Variants in DSCAM observed in about 807,000 individuals in gnomAD.
DSCAM encodes the protein cell adhesion molecule DSCAM.
DSCAM carries 47 observed loss-of-function variants against 217.7 expected under a neutral mutation model. That is an observed-to-expected ratio of 0.22 (90% CI 0.17 to 0.28). The LOEUF is 0.28. Ranked by LOEUF, DSCAM falls within the 10% of genes least tolerant of loss-of-function variation. The pLI, the probability that DSCAM is intolerant of heterozygous loss-of-function variation, is 1.00. For missense variants in DSCAM, 2,080 were observed against 2,618.3 expected (o/e 0.79, Z 4.49); for synonymous variants, 1,056 against 1,015.3 (o/e 1.04, Z -0.76).
chr21:40,619,820 AGAG>A (rs2089454884), intron 3 of DSCAM, among the ~76,000 whole-genome samples: 1 of 150,762 alleles, frequency 6.6e-6, no homozygotes, highest in Non-Finnish European at 1.5e-5. Context: ...ACACTTGAAC[AGAG>A]AAGATTTTAA....
chr21:40,269,815 G>T (rs368971846), intron 11 of DSCAM, among the ~76,000 whole-genome samples: 3 of 152,170 alleles, frequency 2.0e-5, no homozygotes, highest in Non-Finnish European at 4.4e-5. Context: ...TAGGGATCCG[G>T]CGGCCTACTT....
At chr21:40,089,029 T>C (rs1039131629) in intron 21 of DSCAM, among the ~76,000 whole-genome samples, 15 of 152,230 alleles carry the variant, frequency 9.9e-5, no homozygotes, top group African/African-American at 3.4e-4. Flanking sequence ...CTCTATTCCA[T>C]TGTTGTTCTT....
chr21:40,196,167 G>A (rs1299099327), intron 11 of DSCAM, among the ~76,000 whole-genome samples: 1 of 152,130 alleles, frequency 6.6e-6, no homozygotes, highest in Non-Finnish European at 1.5e-5. Flanking sequence ...GAGGTGATGT[G>A]GGGTTAGGTG....
chr21:40,685,948 C>T (rs1036553975), intron 3 of DSCAM, among the ~76,000 whole-genome samples: 4 of 150,560 alleles, frequency 2.7e-5, no homozygotes, highest in Admixed American at 2.0e-4. Context: ...AAAACAAAAA[C>T]AAAAACAAAA....
intron 3 of DSCAM, among the ~76,000 whole-genome samples, chr21:40,689,518 G>T (rs564153845): frequency 1.5e-3 from 226 of 152,278 alleles, no homozygotes; most frequent in Middle Eastern, 3.4e-3. Flanking sequence ...TCAACTCTCT[G>T]GCACTCCCAT....
chr21:40,021,241 C>G (rs1361996904), intron 32 of DSCAM, among the ~76,000 whole-genome samples: 1 of 148,918 alleles, frequency 6.7e-6, no homozygotes, highest in Non-Finnish European at 1.5e-5. Context: ...AGAAACATAG[C>G]TACGCAGGTC....
chr21:40,163,945 T>C (rs8130691), intron 16 of DSCAM, among the ~76,000 whole-genome samples: 1,642 of 152,280 alleles, frequency 0.011, 26 homozygotes, highest in African/African-American at 0.038. Context: ...AATTGTGATA[T>C]GGAACACTTG....
Position 40,158,544 on chromosome 21 carries a change from A to G in DSCAM, c.3018+8674T>C, listed in dbSNP as rs927401879. On this transcript the variant is annotated intron_variant, in intron 16 of 32. Coordinates refer to ENST00000400454, the MANE Select transcript of DSCAM (RefSeq NM_001389.5). ...ACACTCTGGCTTATGTTGAGGGGAA[A>G]TACTCCACAAGTCCAGATGCAACAC... is the stretch of plus-strand genomic sequence containing the variant. Among the ~76,000 whole-genome samples the G allele has an allele frequency of 4.6e-5, 7 of 152,224 alleles. 1 individual carries two copies. The highest frequency in any genetic ancestry group is 4.6e-4 in the Admixed American group (7 of 15,276).
chr21:40,013,830 G>A (rs893213973), intron 32 of DSCAM, among the ~76,000 whole-genome samples: 4 of 152,202 alleles, frequency 2.6e-5, no homozygotes, highest in South Asian at 2.1e-4. Context: ...GCTGGCTCTC[G>A]TCCTGGCAAT....
chr21:40,620,234 GAA>G lies in DSCAM; in HGVS notation c.508+72574_508+72575del, dbSNP rs1384383115. On this transcript the variant is annotated intron_variant, in intron 3 of 32. Transcript: ENST00000400454. ...AAGAGAGAGAAAAAAGAAAAAGAAAGAAAGAGAGAGAAAGAGAGAGAAAAAAG... is the reference window on the plus strand; with the variant it reads ...AAGAGAGAGAAAAAAGAAAAAGAAAGAGAGAGAGAAAGAGAGAGAAAAAAG... Among the ~76,000 whole-genome samples the G allele has an allele frequency of 2.2e-3, 149 of 66,968 alleles. 1 individual carries two copies. The highest frequency in any genetic ancestry group is 0.018 in the East Asian group (38 of 2,056). 43.9% of individuals were successfully genotyped at this position (66,968 alleles called of 152,430 possible).
chr21:40,157,254 C>A (rs979760380), intron 16 of DSCAM, among the ~76,000 whole-genome samples: 1 of 152,124 alleles, frequency 6.6e-6, no homozygotes, highest in South Asian at 2.1e-4. Flanking sequence ...CAGTTAAGAC[C>A]GAGACTGCAG....
At chr21:40,539,459 G>A (rs2076526705) in intron 3 of DSCAM, among the ~76,000 whole-genome samples, 3 of 151,570 alleles carry the variant, frequency 2.0e-5, no homozygotes, top group Admixed American at 1.3e-4. Flanking sequence ...TTGTGTCACT[G>A]CACTCCAGCC....
At chr21:40,683,075 C>G (rs1260305994) in intron 3 of DSCAM, among the ~76,000 whole-genome samples, 1 of 152,192 alleles carries the variant, frequency 6.6e-6, no homozygotes, top group Non-Finnish European at 1.5e-5. Context: ...CCCATCAGAA[C>G]CTGACCATGC....
At chr21:40,254,773 G>A (rs2073349362) in intron 11 of DSCAM, among the ~76,000 whole-genome samples, 1 of 152,082 alleles carries the variant, frequency 6.6e-6, no homozygotes. Flanking sequence ...GCGCTTTCCA[G>A]CAGGTTTCCA....
rs369714990 is a variant in DSCAM at position 40,439,480 on chromosome 21, C to T, written c.509-70235G>A. On this transcript the variant is annotated intron_variant, in intron 3 of 32. Coordinates refer to ENST00000400454, the MANE Select transcript of DSCAM (RefSeq NM_001389.5). ...ACTAGCAACACTTCAGATGTTTGAA[C>T]AGAAAGAATTCAGCACTGAGTACTT... Among the ~76,000 whole-genome samples the T allele has an allele frequency of 2.4e-3, 370 of 152,272 alleles. 5 individuals are homozygous for T. Among genetic ancestry groups the T allele is most frequent in the African/African-American group, 8.4e-3 (351 of 41,552 alleles).
intron 11 of DSCAM, among the ~76,000 whole-genome samples, chr21:40,223,084 C>T (rs74922057): frequency 0.033 from 5,076 of 152,278 alleles, 124 homozygotes; most frequent in South Asian, 0.09. Context: ...TCCGGTGTGG[C>T]CTCTCTTTCC....
chr21:40,452,237 T>TACACACACAC (rs71186937), intron 3 of DSCAM, among the ~76,000 whole-genome samples: 5,393 of 144,404 alleles, frequency 0.037, 164 homozygotes, highest in African/African-American at 0.082. Context: ...TACACTATAT[T>TACACACACAC]ACACACACAC....
intron 3 of DSCAM, among the ~76,000 whole-genome samples, chr21:40,557,378 G>A (rs536047890): frequency 2.1e-4 from 32 of 151,950 alleles, no homozygotes; most frequent in African/African-American, 7.2e-4. Flanking sequence ...TTTTTTAGAC[G>A]GAGTCTCACT....
At chr21:40,160,044 A>G (rs563621366) in intron 16 of DSCAM, among the ~76,000 whole-genome samples, 1 of 152,268 alleles carries the variant, frequency 6.6e-6, no homozygotes, top group African/African-American at 2.4e-5. Context: ...TAGGGATCCA[A>G]ATCGGGGTTG....
Sources: allele counts gnomAD v4.1 joint callset (sites outside exome capture counted in the v4.1 genomes callset), GRCh38; gene constraint gnomAD v4.1.1; transcripts MANE v1.5; gene names NCBI Gene and HGNC (gene_info 2026-07-23, HGNC 2026-07-21).